Variants in MSN observed in about 807,000 individuals in gnomAD.
MSN encodes the protein moesin.
Under a neutral mutation model 48.0 loss-of-function variants are expected in MSN, and 2 were observed. That is an observed-to-expected ratio of 0.04 (90% CI 0.02 to 0.13). The LOEUF (loss-of-function observed/expected upper bound fraction) is 0.13. Ranked by LOEUF, MSN falls within the 10% of genes least tolerant of loss-of-function variation. The pLI, the probability that MSN is intolerant of heterozygous loss-of-function variation, is 1.00. For synonymous variants in MSN, 146 were observed against 166.9 expected (o/e 0.87, Z 0.97); for missense variants, 267 against 470.1 (o/e 0.57, Z 3.99).
intron 1 of MSN, among the ~76,000 whole-genome samples, chrX:65,710,489 G>A (rs1466545930): frequency 9.0e-6 from 1 of 111,344 alleles, no homozygotes; most frequent in Non-Finnish European, 1.9e-5. Context: ...AACTTGGATG[G>A]AGGAAAATTA....
intron 1 of MSN, among the ~76,000 whole-genome samples, chrX:65,673,473 T>C (rs1381256595): frequency 2.7e-5 from 3 of 109,758 alleles, no homozygotes; most frequent in African/African-American, 6.7e-5. Flanking sequence ...TTTTTTTTTT[T>C]TGATACGGAG....
chrX:65,734,861 G>T (rs763059475), intron 7 of MSN, among the ~76,000 whole-genome samples: 16 of 111,675 alleles, frequency 1.4e-4, no homozygotes, highest in Non-Finnish European at 3.0e-4. Context: ...ACCCACCAGG[G>T]TATTATTCAG....
In MSN at chrX:65,650,328, TCC is replaced by T. The variant is rs770663269; in HGVS notation, c.-22+61717_-22+61718del. The stretch of plus-strand genomic sequence containing the variant: ...GTCTCGAACACTTGGCTTCAAGTGA[TCC>T]ACCCCCCTTGGCCTCCCAAAGTGCT... On this transcript the variant is annotated intron_variant, in intron 1 of 3. Transcript: ENST00000609672. Among the ~76,000 whole-genome samples the T allele has an allele frequency of 7.7e-3, 859 of 112,212 alleles. 7 individuals carry two copies. Among genetic ancestry groups the T allele is most frequent in the African/African-American group, 0.027 (828 of 30,899 alleles).
chrX:65,728,544 C>T (rs1349075548), intron 3 of MSN, among the ~76,000 whole-genome samples: 5 of 110,675 alleles, frequency 4.5e-5, no homozygotes, highest in East Asian at 2.8e-4. Context: ...CCGCCCGCCT[C>T]GGCCTCCCAA....
chrX:65,607,431 G>A (rs1362692141), intron 1 of MSN, among the ~76,000 whole-genome samples: 1 of 111,871 alleles, frequency 8.9e-6, no homozygotes, highest in African/African-American at 3.2e-5. Flanking sequence ...ATTCCTTGTG[G>A]TGATAGAGTA....
At chrX:65,678,412 A>G (rs1334420134) in intron 1 of MSN, among the ~76,000 whole-genome samples, 1 of 111,495 alleles carries the variant, frequency 9.0e-6, no homozygotes, top group East Asian at 2.8e-4. Context: ...ACTCCTCTAC[A>G]GCTTCTTACC....
At chrX:65,658,637 G>T (rs192240012) in intron 1 of MSN, among the ~76,000 whole-genome samples, 1 of 110,873 alleles carries the variant, frequency 9.0e-6, no homozygotes, top group Admixed American at 9.7e-5. Context: ...CCCTGGTATT[G>T]CCTCCTCTGC....
chrX:65,628,754 C>A (rs748028924), intron 1 of MSN, among the ~76,000 whole-genome samples: 15 of 110,073 alleles, frequency 1.4e-4, no homozygotes, highest in African/African-American at 5.0e-4. Flanking sequence ...AATTTTTATG[C>A]TGTTTCCTTT....
At chrX:65,622,083 C>CTTCTT (rs1173602072) in intron 1 of MSN, among the ~76,000 whole-genome samples, 2 of 101,507 alleles carry the variant, frequency 2.0e-5, no homozygotes, top group Non-Finnish European at 2.0e-5. Flanking sequence ...AGTTTTATTT[C>CTTCTT]TTCTTTTCTT....
chrX:65,673,117 G>C (rs2070959314), intron 1 of MSN, among the ~76,000 whole-genome samples: 1 of 111,377 alleles, frequency 9.0e-6, no homozygotes, highest in Admixed American at 9.6e-5. Flanking sequence ...AAAGGGCTGT[G>C]TCTTTCCTTA....
intron 1 of MSN, chrX:65,589,822 T>G (rs2070130323): frequency 9.0e-6 from 1 of 111,146 alleles, no homozygotes; most frequent in Admixed American, 9.5e-5. Context: ...CCCCAGCTGC[T>G]CAGGGCCCAC....
At chrX:65,623,594 C>T (rs765292240) in intron 1 of MSN, among the ~76,000 whole-genome samples, 89 of 109,369 alleles carry the variant, frequency 8.1e-4, no homozygotes, top group Middle Eastern at 4.7e-3. Context: ...GCGGATCACC[C>T]GAGGTCAGGA....
chrX:65,699,855 T>G (rs779716624), intron 1 of MSN, among the ~76,000 whole-genome samples: 21 of 110,345 alleles, frequency 1.9e-4, no homozygotes, highest in Non-Finnish European at 3.0e-4. Flanking sequence ...AACAGAATAC[T>G]AGTAGTTGGG....
chrX:65,739,570 G>A (rs2071715052), intron 12 of MSN, among the ~76,000 whole-genome samples, 159 bp from the exon 13 acceptor site: 1 of 110,825 alleles, frequency 9.0e-6, no homozygotes, highest in African/African-American at 3.3e-5. Context: ...TTGCCCCACT[G>A]CAGTTCTAAC....
At chrX:65,674,822 C>A (rs2070980666) in intron 1 of MSN, among the ~76,000 whole-genome samples, 2 of 111,755 alleles carry the variant, frequency 1.8e-5, no homozygotes, top group African/African-American at 6.5e-5. Context: ...GGAAAGGAAG[C>A]ATAGAGTAGT....
intron 1 of MSN, among the ~76,000 whole-genome samples, chrX:65,683,866 T>C (rs1223564358): frequency 9.0e-6 from 1 of 111,580 alleles, no homozygotes; most frequent in Non-Finnish European, 1.9e-5. Context: ...TGCCCCTGAC[T>C]GTATTCTCCA....
rs1480960211 is a variant in MSN at position 65,739,905 on chromosome X, C to A, written c.*12C>A. On this transcript the variant is annotated 3_prime_UTR_variant, in exon 13 of 13. Coordinates refer to ENST00000360270, the MANE Select transcript of MSN (RefSeq NM_002444.3). ...TTGAGTCTATGTAATGGGCACCCAG[C>A]CTCTAGGGACCCCTCCTCCCTTTTT... 2.5e-6 allele frequency: 3 copies of A among 1,195,579 alleles called. No homozygotes were observed. Among genetic ancestry groups the A allele is most frequent in the Non-Finnish European group, 3.4e-6 (3 of 887,461 alleles).
intron 1 of MSN, among the ~76,000 whole-genome samples, chrX:65,604,308 A>G (rs940762180): frequency 2.7e-5 from 3 of 112,130 alleles, no homozygotes; most frequent in Non-Finnish European, 5.6e-5. Flanking sequence ...TGGGATGTCC[A>G]GAGGGAGATA....
chrX:65,704,977 G>T (rs1418313280), intron 1 of MSN, among the ~76,000 whole-genome samples: 1 of 110,272 alleles, frequency 9.1e-6, no homozygotes, highest in Non-Finnish European at 1.9e-5. Flanking sequence ...CACCATATTG[G>T]TCAGGCTGGT....
Sources: gnomAD v4.1 joint callset for allele counts (sites outside exome capture counted in the v4.1 genomes callset) on GRCh38, gnomAD v4.1.1 for gene constraint, MANE v1.5 for transcripts, NCBI Gene and HGNC (gene_info 2026-07-23, HGNC 2026-07-21) for gene names.